CLPTM1: variants seen among roughly 807,000 people sequenced by gnomAD.
CLPTM1 encodes putative lipid scramblase CLPTM1.
In CLPTM1, 21 loss-of-function variants were observed where a neutral mutation model predicts 77.3. That is an observed-to-expected ratio of 0.27 (90% CI 0.19 to 0.39). The LOEUF is 0.39. CLPTM1 is among the 10% of genes least tolerant of loss of function. The probability of loss-of-function intolerance (pLI) is 1.00; values close to 1 mark genes in which losing one functional copy is unlikely to be tolerated. For synonymous variants in CLPTM1, 373 were observed against 381.0 expected, an observed-to-expected ratio of 0.98 and a Z score of 0.24; for missense variants, 642 against 921.2, an observed-to-expected ratio of 0.70 and a Z score of 3.92.
At position 44,990,706 on chromosome 19, in the gene CLPTM1, T is replaced by G. The variant is rs1971058824; in HGVS notation, c.1323+121T>G. 1 of 1,357,110 alleles carries G rather than the reference T, an allele frequency of 7.4e-7. No individual in the cohort carries two copies. Among genetic ancestry groups the G allele is most frequent in the Non-Finnish European group, 1.0e-6 (1 of 968,488 alleles). The allele number at this position is 1,357,110 out of a possible 1,614,324, so 84.1% of individuals were successfully genotyped here. A position where few individuals can be genotyped will look rare whatever the true frequency, so the allele number is the denominator to read the frequency against. On this transcript the variant is annotated intron_variant, in intron 10 of 13. Transcript: ENST00000337392. This position sits in a 1 kb window ranked among gnomAD's most constrained non-coding sequence, Gnocchi z 4.8. ...CCAGCAAGTGCCTCACTCCCAGGAC[T>G]GAGGGGATTTTCTCACCAGGGGATT...
In CLPTM1 at chr19:44,992,182, G is replaced by C. The variant is rs1268850883; in HGVS notation, c.1556-51G>C. 1 of 1,601,272 alleles carries C rather than the reference G, an allele frequency of 6.2e-7. No homozygotes were observed. Among genetic ancestry groups the C allele is most frequent in the Admixed American group, 1.7e-5 (1 of 59,774 alleles). On this transcript the variant is annotated intron_variant, in intron 12 of 13. Coordinates refer to ENST00000337392, the MANE Select transcript of CLPTM1 (RefSeq NM_001294.4). The surrounding 1 kb of genome is among the most constrained non-coding windows in gnomAD (Gnocchi z 7.7). Reference sequence around the variant, plus strand: ...TGGTATGGCCAGTGCAGAGTGCACAGGGGAGAGGTGGGAGAGGCCATCCCT... The same window carrying C: ...TGGTATGGCCAGTGCAGAGTGCACACGGGAGAGGTGGGAGAGGCCATCCCT...
intron 9 of CLPTM1, among the ~76,000 whole-genome samples, chr19:44,989,646 G>A (rs1369586623): frequency 2.0e-5 from 3 of 152,278 alleles, no homozygotes; most frequent in South Asian, 2.1e-4. Flanking sequence ...CACTCCCTGA[G>A]TGCAGAGCTG....
At chr19:44,961,497 G>A (rs1424890541) in intron 1 of CLPTM1, among the ~76,000 whole-genome samples, 1 of 152,200 alleles carries the variant, frequency 6.6e-6, no homozygotes, top group Non-Finnish European at 1.5e-5. Context: ...GAATCAGACT[G>A]TGCCTCTAAT....
chr19:44,991,205 G>A lies in CLPTM1; in HGVS notation c.1420-33G>A. On this transcript the variant is annotated intron_variant, in intron 11 of 13. Coordinates refer to ENST00000337392, the MANE Select transcript of CLPTM1 (RefSeq NM_001294.4). This position sits in a 1 kb window ranked among gnomAD's most constrained non-coding sequence, Gnocchi z 5.4. ...CAGGGCTGCCAGGCAGGGCTGAGGA[G>A]CTGGCTGACAGCCCCACCCTGTGGC... The A allele has an allele frequency of 1.2e-6, 2 of 1,612,238 alleles. No homozygotes were observed. The highest frequency in any genetic ancestry group is 8.5e-7 in the Non-Finnish European group (1 of 1,178,896).
chr19:44,970,305 C>T (rs1274521400), intron 2 of CLPTM1, among the ~76,000 whole-genome samples: 2 of 146,944 alleles, frequency 1.4e-5, no homozygotes, highest in Admixed American at 1.3e-4. Context: ...TGGTTCCTTC[C>T]TTCTCAGGGG....
chr19:44,990,158 T>G lies in CLPTM1; in HGVS notation c.1133-237T>G, dbSNP rs1971045857. ...TCAGTCAAGGGACTGCACCTTGGGG[T>G]GCTGGGTGCTGACGTCCTATGGGAG... On this transcript the variant is annotated intron_variant, in intron 9 of 13. Coordinates refer to ENST00000337392, the MANE Select transcript of CLPTM1 (RefSeq NM_001294.4). This position sits in a 1 kb window ranked among gnomAD's most constrained non-coding sequence, Gnocchi z 4.8. 1.3e-5 allele frequency: 7 copies of G among 544,980 alleles called. No individual in the cohort carries two copies. The South Asian group carries it at 1.8e-4, about 14-fold the overall frequency. 33.8% of individuals were successfully genotyped at this position (544,980 alleles called of 1,614,324 possible).
Position 44,992,248 on chromosome 19 carries a change from C to T in CLPTM1, c.1571C>T (p.Thr524Met), listed in dbSNP as rs372059273. Reference protein sequence around the residue: ...FLLTFGFITMTPQLFINYKLK... With the variant: ...FLLTFGFITMMPQLFINYKLK... ...CTCACTGCAGGCTTCATCACCATGACGCCCCAGCTCTTCATCAACTACAAG... is the reference window on the plus strand; with the variant it reads ...CTCACTGCAGGCTTCATCACCATGATGCCCCAGCTCTTCATCAACTACAAG... The change falls in exon 13 of 14, where the codon ACG (threonine) becomes ATG (methionine). Residue 524 changes from threonine to methionine, a missense_variant. Thr to Met is a moderately conservative substitution (Grantham distance 81, BLOSUM62 -1). Around this residue, in one of 2 missense-constraint regions of CLPTM1, gnomAD observed 521 missense variants for 800.4 expected, o/e 0.65. Coordinates refer to ENST00000337392, the MANE Select transcript of CLPTM1 (RefSeq NM_001294.4). The surrounding 1 kb of genome is among the most constrained non-coding windows in gnomAD (Gnocchi z 7.7). 2.5e-6 allele frequency: 4 copies of T among 1,614,038 alleles called. No individual in the cohort carries two copies. The highest frequency in any genetic ancestry group is 3.4e-6 in the Non-Finnish European group (4 of 1,179,968).
chr19:44,981,264 C>T (rs868492714), intron 5 of CLPTM1, among the ~76,000 whole-genome samples: 12 of 152,168 alleles, frequency 7.9e-5, no homozygotes, highest in South Asian at 2.1e-4. Context: ...GCCTCAGCCT[C>T]CCAAGTAGCT....
upstream of CLPTM1, chr19:44,955,231 T>G: frequency 2.0e-6 from 3 of 1,512,976 alleles, no homozygotes; most frequent in Admixed American, 2.0e-5. Context: ...GCCAGGTTGG[T>G]CCTTCCATAG....
chr19:44,964,636 G>A (rs1242047392), intron 2 of CLPTM1, among the ~76,000 whole-genome samples: 1 of 152,060 alleles, frequency 6.6e-6, no homozygotes, highest in Non-Finnish European at 1.5e-5. Flanking sequence ...TAAGTATGTA[G>A]TCCTGTGGCA....
chr19:44,961,640 C>G lies in CLPTM1; in HGVS notation c.73-323C>G, dbSNP rs560270593. Among the ~76,000 whole-genome samples, 35 of 152,280 alleles carry G rather than the reference C, an allele frequency of 2.3e-4. No homozygotes were observed. The South Asian group carries it at 6.8e-3, about 30-fold the overall frequency. On this transcript the variant is annotated intron_variant, in intron 1 of 13. Transcript: ENST00000337392. ...ACCCTAGACTGGACCAGGTGCCTCT[C>G]AGGGCTCCTGCATTCCTGCCCCGTT...
chr19:44,954,611 G>A, upstream of CLPTM1: 4 of 1,045,720 alleles, frequency 3.8e-6, no homozygotes, highest in Non-Finnish European at 4.6e-6. Context: ...TCTCTCAGCA[G>A]ATGGCCGGGT....
intron 5 of CLPTM1, among the ~76,000 whole-genome samples, chr19:44,981,463 C>T (rs992615255): frequency 2.6e-5 from 4 of 151,534 alleles, no homozygotes; most frequent in Non-Finnish European, 4.4e-5. Flanking sequence ...TATGGTGGTG[C>T]GCAACCTGTA....
intron 8 of CLPTM1, 89 bp downstream of exon 8, chr19:44,987,512 C>T: frequency 6.5e-7 from 1 of 1,533,236 alleles, no homozygotes; most frequent in African/African-American, 1.4e-5. Context: ...GGCTGTGGGA[C>T]CTCCCGCCTG....
chr19:44,960,985 G>C (rs1970535171), intron 1 of CLPTM1, among the ~76,000 whole-genome samples: 1 of 152,166 alleles, frequency 6.6e-6, no homozygotes, highest in Non-Finnish European at 1.5e-5. Flanking sequence ...TCCAAACCTG[G>C]CATTCAGAGA....
chr19:44,964,869 G>A (rs530868347), intron 2 of CLPTM1, among the ~76,000 whole-genome samples: 1 of 152,246 alleles, frequency 6.6e-6, no homozygotes, highest in South Asian at 2.1e-4. Flanking sequence ...GCCTGGTGGT[G>A]ACCCTTTTAC....
In CLPTM1 at chr19:44,991,054, G is replaced by A; in HGVS notation, c.1419+109G>A. The A allele has an allele frequency of 3.1e-6, 4 of 1,300,398 alleles. No homozygotes were observed. Among genetic ancestry groups the A allele is most frequent in the Non-Finnish European group, 4.3e-6 (4 of 919,712 alleles). 80.6% of individuals were successfully genotyped at this position (1,300,398 alleles called of 1,614,324 possible). A position where few individuals can be genotyped will look rare whatever the true frequency, so the allele number is the denominator to read the frequency against. ...GCCGGACCCATGCTTTACAGCCTGT[G>A]CCACATCCTCTGTGTCCCCCATCTG... On this transcript the variant is annotated intron_variant, in intron 11 of 13. Coordinates refer to ENST00000337392, the MANE Select transcript of CLPTM1 (RefSeq NM_001294.4). This position sits in a 1 kb window ranked among gnomAD's most constrained non-coding sequence, Gnocchi z 5.4.
intron 9 of CLPTM1, among the ~76,000 whole-genome samples, chr19:44,989,186 CATT>C (rs2122332722): frequency 6.6e-6 from 1 of 152,276 alleles, no homozygotes; most frequent in East Asian, 1.9e-4. Context: ...ACGCTCTTGC[CATT>C]ATTGAGAACT....
chr19:44,969,863 T>A, intron 2 of CLPTM1, among the ~76,000 whole-genome samples: 1 of 150,956 alleles, frequency 6.6e-6, no homozygotes, highest in African/African-American at 2.5e-5. Flanking sequence ...AATTTTTGTA[T>A]TTTTAGTAGA....
Sources: allele counts gnomAD v4.1 joint callset (sites outside exome capture counted in the v4.1 genomes callset), GRCh38; gene constraint gnomAD v4.1.1; regional missense constraint gnomAD v4.1.1; non-coding constraint Gnocchi (gnomAD v3.1); transcripts MANE v1.5; gene names NCBI Gene and HGNC (gene_info 2026-07-23, HGNC 2026-07-21).